The following DPP6 variants were observed in gnomAD, a reference collection of about 807,000 sequenced individuals.
DPP6 encodes the protein dipeptidyl peptidase like 6, also known as A-type potassium channel modulatory protein DPP6.
A neutral mutation model predicts 122.6 loss-of-function variants in DPP6; 69 were observed. The observed-to-expected ratio is 0.56, with a 90% CI of 0.46 to 0.69. The LOEUF (loss-of-function observed/expected upper bound fraction) is 0.69, where lower values mean the gene tolerates loss of function less well. DPP6 is among the 30% of genes least tolerant of loss of function. The probability of loss-of-function intolerance (pLI) is 0.00; values close to 1 mark genes in which losing one functional copy is unlikely to be tolerated. For synonymous variants in DPP6, 418 were observed against 433.1 expected, an observed-to-expected ratio of 0.97 and a Z score of 0.43; for missense variants, 928 against 1,116.9, an observed-to-expected ratio of 0.83 and a Z score of 2.41.
chr7:154,063,617 C>T (rs1420658976), intron 1 of DPP6, among the ~76,000 whole-genome samples: 27 of 125,638 alleles, frequency 2.1e-4, no homozygotes, highest in African/African-American at 8.6e-4. Context: ...AGGCACCCCC[C>T]ACGAGGCAGG....
the DPP6 span, among the ~76,000 whole-genome samples, chr7:153,782,730 G>A: frequency 2.6e-5 from 4 of 152,188 alleles, no homozygotes; most frequent in Non-Finnish European, 5.9e-5. Flanking sequence ...AGCTGTTTAT[G>A]TGTACCATTA....
chr7:154,888,379 A>G (rs1287738212), intron 23 of DPP6, among the ~76,000 whole-genome samples: 1 of 152,000 alleles, frequency 6.6e-6, no homozygotes, highest in Admixed American at 6.6e-5. Flanking sequence ...ATGAGCCACC[A>G]CCCCTGGTCC....
intron 1 of DPP6, among the ~76,000 whole-genome samples, chr7:154,083,707 C>T (rs1804198212): frequency 6.8e-6 from 1 of 148,086 alleles, no homozygotes; most frequent in Non-Finnish European, 1.5e-5. Context: ...CATGCATGCC[C>T]AAGGCATCTT....
chr7:153,925,471 A>G (rs67232879), intron 1 of DPP6, among the ~76,000 whole-genome samples: 30,813 of 150,200 alleles, frequency 0.21, 3,235 homozygotes, highest in Middle Eastern at 0.31. Context: ...ATGAAGGGAT[A>G]TCCTGCATGA....
At chr7:153,753,570 C>G in the DPP6 span, among the ~76,000 whole-genome samples, 1 of 151,652 alleles carries the variant, frequency 6.6e-6, no homozygotes, top group Non-Finnish European at 1.5e-5. Flanking sequence ...GGGTAGAGAT[C>G]AAAAGTCTCT....
At chr7:154,297,401 A>T (rs151214243) in intron 1 of DPP6, among the ~76,000 whole-genome samples, 2 of 152,350 alleles carry the variant, frequency 1.3e-5, no homozygotes, top group East Asian at 3.9e-4. Context: ...GGTTTGGCCC[A>T]TGAGCCCTGG....
At chr7:154,144,226 C>T (rs1203236767) in intron 1 of DPP6, among the ~76,000 whole-genome samples, 1 of 151,986 alleles carries the variant, frequency 6.6e-6, no homozygotes, top group African/African-American at 2.4e-5. Flanking sequence ...TATGATTTCT[C>T]CTAATGCTTT....
At chr7:154,887,548 A>C (rs1806256436) in intron 22 of DPP6, 128 bp from the exon 23 acceptor site, 2 of 879,158 alleles carry the variant, frequency 2.3e-6, no homozygotes, top group Non-Finnish European at 3.8e-6. Context: ...TCTGCCACAC[A>C]AGTGGCAAGT....
the DPP6 span, among the ~76,000 whole-genome samples, chr7:153,768,341 G>C: frequency 6.6e-6 from 1 of 152,098 alleles, no homozygotes; most frequent in African/African-American, 2.4e-5. Flanking sequence ...TCACTTAACC[G>C]TCTCAGTAAT....
chr7:154,043,872 A>G (rs565767678), intron 1 of DPP6, among the ~76,000 whole-genome samples: 2 of 144,192 alleles, frequency 1.4e-5, no homozygotes, highest in African/African-American at 5.2e-5. Context: ...AATTTATCCA[A>G]CTTTTCCCAC....
At chr7:154,278,028 C>T (rs570587883) in intron 1 of DPP6, among the ~76,000 whole-genome samples, 12 of 152,292 alleles carry the variant, frequency 7.9e-5, no homozygotes, top group East Asian at 7.7e-4. Flanking sequence ...TCCCGTCATG[C>T]GGGCGACAGA....
At chr7:154,443,715 C>T (rs77867166) in intron 1 of DPP6, among the ~76,000 whole-genome samples, 28,163 of 149,224 alleles carry the variant, frequency 0.19, 3,731 homozygotes, top group African/African-American at 0.38. Context: ...GATACGTCGA[C>T]GAATGTGGAT....
chr7:154,488,346 C>T (rs190231745), intron 3 of DPP6, among the ~76,000 whole-genome samples: 7 of 151,896 alleles, frequency 4.6e-5, no homozygotes, highest in East Asian at 2.0e-4. Flanking sequence ...AAAAGTTAGC[C>T]GGGCGTGGTG....
intron 1 of DPP6, among the ~76,000 whole-genome samples, chr7:153,995,503 G>A (rs1377377728): frequency 6.6e-6 from 1 of 151,092 alleles, no homozygotes; most frequent in Non-Finnish European, 1.5e-5. Context: ...GCAGGAGAAT[G>A]GCGTGAACCC....
chr7:154,758,051 C>T (rs1221784791), intron 8 of DPP6, among the ~76,000 whole-genome samples: 4 of 152,238 alleles, frequency 2.6e-5, no homozygotes, highest in Non-Finnish European at 5.9e-5. Flanking sequence ...CACCTTCCGT[C>T]TTCACTGAAT....
intron 5 of DPP6, among the ~76,000 whole-genome samples, chr7:154,611,158 T>A (rs1388731130): frequency 6.6e-6 from 1 of 152,208 alleles, no homozygotes; most frequent in Non-Finnish European, 1.5e-5. Context: ...TCGTGTCTTC[T>A]GACTCATGTG....
intron 16 of DPP6, among the ~76,000 whole-genome samples, chr7:154,837,176 C>T (rs1473408139): frequency 1.3e-5 from 2 of 151,466 alleles, no homozygotes; most frequent in East Asian, 3.9e-4. Context: ...CACATGCATA[C>T]ACAGATGCAT....
chr7:154,245,813 C>T (rs1801949913), intron 1 of DPP6, among the ~76,000 whole-genome samples: 1 of 152,022 alleles, frequency 6.6e-6, no homozygotes, highest in African/African-American at 2.4e-5. Context: ...AAGTAAAAAA[C>T]TGACAGAACT....
chr7:154,859,025 G>T (rs1022461604), intron 17 of DPP6, among the ~76,000 whole-genome samples: 1 of 152,156 alleles, frequency 6.6e-6, no homozygotes. Flanking sequence ...GTGGGCTGGG[G>T]GCTGATACCA....
Sources: allele counts gnomAD v4.1 joint callset (sites outside exome capture counted in the v4.1 genomes callset), GRCh38; gene constraint gnomAD v4.1.1; transcripts MANE v1.5; gene names NCBI Gene and HGNC (gene_info 2026-07-23, HGNC 2026-07-21).